The following ZNF626 variants were observed in gnomAD, a reference collection of about 807,000 sequenced individuals.
ZNF626 encodes zinc finger protein 626.
Under a neutral mutation model 11.7 loss-of-function variants are expected in ZNF626, and 4 were observed. The observed-to-expected ratio is 0.34, with a 90% confidence interval of 0.17 to 0.78. The LOEUF (loss-of-function observed/expected upper bound fraction) is 0.78. Among genes scored for constraint, ZNF626 ranks in the 30% least tolerant of loss-of-function variants. The pLI, the probability that ZNF626 is intolerant of heterozygous loss-of-function variation, is 0.57. For synonymous variants in ZNF626, 179 were observed against 198.6 expected, an observed-to-expected ratio of 0.90 and a Z score of 0.83; for missense variants, 588 against 587.1, an observed-to-expected ratio of 1.00 and a Z score of -0.01.
intron 3 of ZNF626, among the ~76,000 whole-genome samples, chr19:20,626,228 T>G (rs1374213678): frequency 1.3e-5 from 2 of 152,072 alleles, no homozygotes; most frequent in Non-Finnish European, 2.9e-5. Flanking sequence ...CCAGAATCTC[T>G]AGTTAAGACA....
At chr19:20,648,215 T>G (rs577100004) in intron 1 of ZNF626, among the ~76,000 whole-genome samples, 1 of 151,986 alleles carries the variant, frequency 6.6e-6, no homozygotes, top group Admixed American at 6.6e-5. Context: ...TATACAAACT[T>G]TAAAATACAG....
intron 1 of ZNF626, among the ~76,000 whole-genome samples, chr19:20,648,849 T>C (rs1970114358): frequency 6.6e-6 from 1 of 152,222 alleles, no homozygotes; most frequent in East Asian, 1.9e-4. Flanking sequence ...ATATTGCAGA[T>C]CATAAATTCT....
rs77150535 is a variant in ZNF626 at position 20,639,565 on chromosome 19, C to T, written c.226+6119G>A. Among the ~76,000 whole-genome samples, 318 of 152,224 alleles carry T rather than the reference C, an allele frequency of 2.1e-3. 1 individual carries two copies. The highest frequency in any genetic ancestry group is 4.3e-3 in the Admixed American group (66 of 15,290). On this transcript the variant is annotated intron_variant, in intron 3 of 3. Transcript: ENST00000601440. Reference sequence around the variant, plus strand: ...CCAGCCTGGGCAACGTAGTCAGATCCGAACACTACAAACAAACCAACCATT... The same window carrying T: ...CCAGCCTGGGCAACGTAGTCAGATCTGAACACTACAAACAAACCAACCATT...
intron 1 of ZNF626, among the ~76,000 whole-genome samples, chr19:20,647,443 T>G (rs1346663337): frequency 6.6e-6 from 1 of 151,504 alleles, no homozygotes; most frequent in Non-Finnish European, 1.5e-5. Flanking sequence ...ACCAATTAAT[T>G]AATGGTTAAT....
intron 1 of ZNF626, among the ~76,000 whole-genome samples, chr19:20,651,186 C>CAAA (rs34904142): frequency 7.9e-6 from 1 of 126,958 alleles, no homozygotes; most frequent in African/African-American, 3.0e-5. Flanking sequence ...GACTCCATAT[C>CAAA]AAAAAAAAAA....
At chr19:20,638,241 G>A (rs965508922) in intron 3 of ZNF626, among the ~76,000 whole-genome samples, 3 of 151,968 alleles carry the variant, frequency 2.0e-5, no homozygotes, top group Non-Finnish European at 4.4e-5. Context: ...TGGCCAACAC[G>A]GTGAAACCCT....
chr19:20,658,475 G>A (rs1318133510), intron 1 of ZNF626, among the ~76,000 whole-genome samples: 3 of 152,154 alleles, frequency 2.0e-5, no homozygotes, highest in South Asian at 2.1e-4. Flanking sequence ...GAATCCTGTG[G>A]TGGCAGCTAC....
At chr19:20,656,607 T>A (rs1356359633) in intron 1 of ZNF626, among the ~76,000 whole-genome samples, 1 of 150,282 alleles carries the variant, frequency 6.7e-6, no homozygotes, top group Non-Finnish European at 1.5e-5. Context: ...AAGGCAAACA[T>A]CTCATTAAAA....
intron 3 of ZNF626, among the ~76,000 whole-genome samples, chr19:20,636,905 C>T (rs573132518): frequency 5.4e-4 from 82 of 151,258 alleles, no homozygotes; most frequent in Admixed American, 1.5e-3. Context: ...CCTGTTGTCC[C>T]AGCTACTGAG....
At chr19:20,631,375 T>A (rs868976035) in intron 3 of ZNF626, among the ~76,000 whole-genome samples, 5 of 152,196 alleles carry the variant, frequency 3.3e-5, no homozygotes, top group African/African-American at 1.2e-4. Context: ...TGTCTAACGT[T>A]GACAGTGCAG....
intron 3 of ZNF626, among the ~76,000 whole-genome samples, chr19:20,626,653 G>A (rs1272874943): frequency 1.3e-5 from 2 of 152,162 alleles, no homozygotes; most frequent in Non-Finnish European, 2.9e-5. Context: ...AACCTGGGAG[G>A]GGACAGTTGC....
At position 20,622,972 on chromosome 19, in the gene ZNF626, T is replaced by G. The variant is rs537845815; in HGVS notation, c.*1318A>C. ...CTTCTCCAATATAAGTTCTCTGATG[T>G]TGAGCAAAGCTTGAGCAACTGCTTC... On this transcript the variant is annotated 3_prime_UTR_variant, in exon 4 of 4. Coordinates refer to ENST00000601440, the MANE Select transcript of ZNF626 (RefSeq NM_001076675.3). 2.4e-4 allele frequency: 37 copies of G among 152,288 alleles called. No individual in the cohort carries two copies. Among genetic ancestry groups the G allele is most frequent in the African/African-American group, 8.9e-4 (37 of 41,562 alleles). The allele number at this position is 152,288 out of a possible 1,614,324, so 9.4% of individuals were successfully genotyped here. A position where few individuals can be genotyped will look rare whatever the true frequency, so the allele number is the denominator to read the frequency against.
chr19:20,625,990 G>C (rs782264493), intron 3 of ZNF626, among the ~76,000 whole-genome samples: 26 of 152,172 alleles, frequency 1.7e-4, no homozygotes, highest in Admixed American at 3.3e-4. Flanking sequence ...TGACTGGCTG[G>C]GGTGACACAC....
chr19:20,623,964 T>TCG lies in ZNF626; in HGVS notation c.*325_*326insCG, dbSNP rs34554673. 1 of 473,828 alleles carries TCG rather than the reference T, an allele frequency of 2.1e-6. No individual in the cohort carries two copies. Among genetic ancestry groups the TCG allele is most frequent in the Non-Finnish European group, 3.9e-6 (1 of 256,142 alleles). 29.4% of individuals were successfully genotyped at this position (473,828 alleles called of 1,614,324 possible). A position where few individuals can be genotyped will look rare whatever the true frequency, so the allele number is the denominator to read the frequency against. ...TAGAGTTTATATTTCATATCAATTCTTAGTTAGAAATTGAGGGCTGGTTAA... is the reference window on the plus strand; with the variant it reads ...TAGAGTTTATATTTCATATCAATTCTCGTAGTTAGAAATTGAGGGCTGGTTAA... On this transcript the variant is annotated 3_prime_UTR_variant, in exon 4 of 4. Coordinates refer to ENST00000601440, the MANE Select transcript of ZNF626 (RefSeq NM_001076675.3).
At chr19:20,632,284 G>A (rs568382999) in intron 3 of ZNF626, among the ~76,000 whole-genome samples, 327 of 152,144 alleles carry the variant, frequency 2.1e-3, no homozygotes, top group African/African-American at 7.4e-3. Context: ...TCCTCTTCTC[G>A]AGGAGTATCT....
chr19:20,633,172 G>A lies in ZNF626; in HGVS notation c.227-7522C>T, dbSNP rs1252470788. 7.9e-5 allele frequency among the ~76,000 whole-genome samples: 12 copies of A among 152,268 alleles called. No individual in the cohort carries two copies. In the South Asian group the frequency reaches 1.0e-3, roughly 13 times the overall value. On this transcript the variant is annotated intron_variant, in intron 3 of 3. Coordinates refer to ENST00000601440, the MANE Select transcript of ZNF626 (RefSeq NM_001076675.3). ...TTTTGTCTCAGAGGAGTACCCGGCC[G>A]TGTCAGGTGTCAGTCCACCCCTACT...
At chr19:20,643,437 GTAACTA>G (rs1401580067) in intron 3 of ZNF626, among the ~76,000 whole-genome samples, 1 of 152,020 alleles carries the variant, frequency 6.6e-6, no homozygotes, top group Non-Finnish European at 1.5e-5. Flanking sequence ...CTTATAACTA[GTAACTA>G]TGTTTATATT....
chr19:20,630,979 G>T (rs1367934071), intron 3 of ZNF626, among the ~76,000 whole-genome samples: 1 of 151,676 alleles, frequency 6.6e-6, no homozygotes, highest in African/African-American at 2.4e-5. Context: ...TTGTGTCTTT[G>T]TTCTCGTTGG....
rs142870443 is a variant in ZNF626 at position 20,635,611 on chromosome 19, G to A, written c.227-9961C>T. Among the ~76,000 whole-genome samples, 8 of 152,140 alleles carry A rather than the reference G, an allele frequency of 5.3e-5. No individual in the cohort carries two copies. The East Asian group carries it at 5.8e-4, about 11-fold the overall frequency. On this transcript the variant is annotated intron_variant, in intron 3 of 3. Coordinates refer to ENST00000601440, the MANE Select transcript of ZNF626 (RefSeq NM_001076675.3). The stretch of plus-strand genomic sequence containing the variant: ...GACGGGATTACAGGCATAAGCCACC[G>A]CGCCCAGCCTAGAAAATTTTATTGT...
Sources: allele counts gnomAD v4.1 joint callset (sites outside exome capture counted in the v4.1 genomes callset), GRCh38; gene constraint gnomAD v4.1.1; transcripts MANE v1.5; gene names NCBI Gene and HGNC (gene_info 2026-07-23, HGNC 2026-07-21).